Variants in NRXN1 observed in about 807,000 individuals in gnomAD.
The protein encoded by NRXN1 is neurexin-1.
A neutral mutation model predicts 150.9 loss-of-function variants in NRXN1; 39 were observed. The ratio of observed to expected loss-of-function variants is 0.26; its 90% CI spans 0.20 to 0.34. The LOEUF (loss-of-function observed/expected upper bound fraction) is 0.34. Ranked by LOEUF, NRXN1 falls within the 10% of genes least tolerant of loss-of-function variation. The probability of loss-of-function intolerance (pLI) is 1.00; values close to 1 mark genes in which losing one functional copy is unlikely to be tolerated. For synonymous variants in NRXN1, 924 were observed against 757.0 expected, an observed-to-expected ratio of 1.22 and a Z score of -3.62; for missense variants, 1,815 against 1,949.9, an observed-to-expected ratio of 0.93 and a Z score of 1.30.
At chr2:50,405,028 T>A (rs2082661626) in intron 17 of NRXN1, among the ~76,000 whole-genome samples, 1 of 152,118 alleles carries the variant, frequency 6.6e-6, no homozygotes, top group Admixed American at 6.6e-5. Flanking sequence ...TGGTCTAGAA[T>A]AATCACCTCT....
At chr2:50,636,948 T>A (rs1683316771) in intron 5 of NRXN1, among the ~76,000 whole-genome samples, 1 of 152,200 alleles carries the variant, frequency 6.6e-6, no homozygotes, top group African/African-American at 2.4e-5. Context: ...TAATTTGAGA[T>A]TATACATATT....
rs2080119910 is a variant in NRXN1, at chr2:50,372,746, C to A, written c.3364+92696G>T. 2.0e-5 allele frequency among the ~76,000 whole-genome samples: 3 copies of A among 152,070 alleles called. No individual in the cohort carries two copies. The South Asian group carries it at 6.2e-4, about 32-fold the overall frequency. The stretch of plus-strand genomic sequence containing the variant: ...CTTTAGTGATGTAGCAACAATTATG[C>A]AAATAATTTAAACAAAGTAAATGGA... On this transcript the variant is annotated intron_variant, in intron 17 of 22. Transcript: ENST00000401669.
At chr2:50,723,855 G>A (rs35708158) in intron 5 of NRXN1, among the ~76,000 whole-genome samples, 22,681 of 152,168 alleles carry the variant, frequency 0.15, 2,154 homozygotes, top group Non-Finnish European at 0.21. Context: ...GTTTGTGTGC[G>A]TGTGTGTGTT....
At chr2:49,924,684 G>T (rs1048629325) in intron 22 of NRXN1, among the ~76,000 whole-genome samples, 6 of 152,038 alleles carry the variant, frequency 3.9e-5, no homozygotes, top group African/African-American at 1.4e-4. Flanking sequence ...GTCATATGAG[G>T]CCTAAAAATA....
intron 2 of NRXN1, among the ~76,000 whole-genome samples, chr2:50,982,662 CT>C (rs1407422903): frequency 6.6e-6 from 1 of 151,998 alleles, no homozygotes; most frequent in Non-Finnish European, 1.5e-5. Flanking sequence ...TAAGTTTTTC[CT>C]TTTATACTTC....
chr2:50,099,660 A>G (rs1700737621), intron 18 of NRXN1, among the ~76,000 whole-genome samples: 1 of 152,192 alleles, frequency 6.6e-6, no homozygotes, highest in Non-Finnish European at 1.5e-5. Flanking sequence ...GTTTGATGGA[A>G]GTTAATTAAA....
Position 50,027,161 on chromosome 2 carries a change from C to T in NRXN1, c.4128+26110G>A, listed in dbSNP as rs918365119. Among the ~76,000 whole-genome samples the T allele has an allele frequency of 4.6e-5, 7 of 151,898 alleles. No individual in the cohort carries two copies. The South Asian group carries it at 6.2e-4, about 14-fold the overall frequency. On this transcript the variant is annotated intron_variant, in intron 21 of 22. Coordinates refer to ENST00000401669, the MANE Select transcript of NRXN1 (RefSeq NM_001330078.2). ...GTTCCCAAAGTGTTGGGATTACAGG[C>T]GTGAGCCACTGCACCTGGCCCTGTT...
intron 5 of NRXN1, among the ~76,000 whole-genome samples, chr2:50,820,312 T>G (rs867793364): frequency 1.3e-5 from 2 of 152,096 alleles, no homozygotes; most frequent in African/African-American, 2.4e-5. Context: ...TTACCTTACT[T>G]TCTAACACCA....
At chr2:50,002,650 A>G (rs1249531478) in intron 21 of NRXN1, among the ~76,000 whole-genome samples, 2 of 152,102 alleles carry the variant, frequency 1.3e-5, no homozygotes, top group African/African-American at 4.8e-5. Flanking sequence ...CTTATGTATT[A>G]CTGGCTTTCT....
intron 19 of NRXN1, among the ~76,000 whole-genome samples, chr2:50,078,496 G>A (rs561015874): frequency 4.6e-5 from 7 of 152,014 alleles, no homozygotes; most frequent in Admixed American, 1.3e-4. Context: ...ATAATAAACT[G>A]TTGACTAAAG....
intron 17 of NRXN1, among the ~76,000 whole-genome samples, chr2:50,329,615 GTGTATATATA>G (rs2076649185): frequency 1.2e-3 from 19 of 15,794 alleles, no homozygotes; most frequent in Non-Finnish European, 1.8e-3. Context: ...GTGTGTGTGT[GTGTATATATA>G]TATATATATA....
Position 50,506,601 on chromosome 2 carries a change from A to T in NRXN1, c.2391T>A (p.Thr797=), listed in dbSNP as rs750156118. 4.3e-6 allele frequency: 7 copies of T among 1,613,424 alleles called. No individual in the cohort carries two copies. The highest frequency in any genetic ancestry group is 5.9e-6 in the Non-Finnish European group (7 of 1,179,532). The change falls in exon 13 of 23, where the codon ACT becomes ACA. Residue 797 remains threonine, a synonymous_variant. Coordinates refer to ENST00000401669, the MANE Select transcript of NRXN1 (RefSeq NM_001330078.2). ...CATTGAGGTTATAGCCAGCAAAAAGAGTCTCGGGACCTTTGCCTGTAGAAT... is the reference window on the plus strand; with the variant it reads ...CATTGAGGTTATAGCCAGCAAAAAGTGTCTCGGGACCTTTGCCTGTAGAAT... ...INCNSSKGPE[T]LFAGYNLNDN...
At chr2:50,231,995 T>C (rs2064986250) in intron 18 of NRXN1, among the ~76,000 whole-genome samples, 1 of 152,170 alleles carries the variant, frequency 6.6e-6, no homozygotes, top group Non-Finnish European at 1.5e-5. Flanking sequence ...TTGCAAGTTA[T>C]TTCTTTATAT....
intron 17 of NRXN1, among the ~76,000 whole-genome samples, chr2:50,286,428 C>T (rs2072183585): frequency 6.6e-6 from 1 of 152,086 alleles, no homozygotes; most frequent in South Asian, 2.1e-4. Context: ...ATAATGTCCC[C>T]CAGTTTTTCC....
chr2:50,401,589 T>A (rs1231895833), intron 17 of NRXN1, among the ~76,000 whole-genome samples: 1 of 152,018 alleles, frequency 6.6e-6, no homozygotes, highest in African/African-American at 2.4e-5. Flanking sequence ...ACTAGATGAA[T>A]TCAGCTGGGA....
intron 12 of NRXN1, among the ~76,000 whole-genome samples, chr2:50,509,793 TC>T (rs1177253109): frequency 1.3e-5 from 2 of 152,160 alleles, no homozygotes; most frequent in Non-Finnish European, 2.9e-5. Context: ...TCTCCCTGCA[TC>T]AATGTATTAC....
rs1381644233 is a variant in NRXN1 at position 50,289,658 on chromosome 2, A to G, written c.3365-52688T>C. ...ATTTTCAGGTAGGCTTAATTAATCA[A>G]GGTCTTAAATTAAATTGAAGTATTT... On this transcript the variant is annotated intron_variant, in intron 17 of 22. Coordinates refer to ENST00000401669, the MANE Select transcript of NRXN1 (RefSeq NM_001330078.2). Among the ~76,000 whole-genome samples the G allele has an allele frequency of 6.0e-4, 91 of 152,292 alleles. 1 individual carries two copies. Among genetic ancestry groups the G allele is most frequent in the Non-Finnish European group, 2.2e-4 (15 of 68,024 alleles).
At position 50,373,583 on chromosome 2, in the gene NRXN1, G is replaced by C. The variant is rs547182233; in HGVS notation, c.3364+91859C>G. On this transcript the variant is annotated intron_variant, in intron 17 of 22. Coordinates refer to ENST00000401669, the MANE Select transcript of NRXN1 (RefSeq NM_001330078.2). ...ATTTTTATAGAGAGCCCTGAATTTG[G>C]AAAGAAAGAAAGAGAGAGAGAAAGA... 4.8e-5 allele frequency among the ~76,000 whole-genome samples: 7 copies of C among 146,002 alleles called. No homozygotes were observed. In the East Asian group the frequency reaches 6.1e-4, roughly 13 times the overall value.
chr2:50,497,052 C>T (rs1401295652), intron 14 of NRXN1, among the ~76,000 whole-genome samples: 1 of 152,106 alleles, frequency 6.6e-6, no homozygotes. Flanking sequence ...TCAGGAAATG[C>T]CCATTTGAAT....
Sources: allele counts gnomAD v4.1 joint callset (sites outside exome capture counted in the v4.1 genomes callset), GRCh38; gene constraint gnomAD v4.1.1; transcripts MANE v1.5; gene names NCBI Gene and HGNC (gene_info 2026-07-23, HGNC 2026-07-21).